Variants in GRID2 observed in about 807,000 individuals in gnomAD.
The protein encoded by GRID2 is glutamate ionotropic receptor delta type subunit 2, also known as glutamate receptor ionotropic, delta-2.
GRID2 carries 33 observed loss-of-function variants against 114.8 expected under a neutral mutation model. The observed-to-expected ratio is 0.29, with a 90% CI of 0.22 to 0.38. The LOEUF is 0.38. GRID2 is among the 10% of genes least tolerant of loss of function. The pLI is 1.00. For missense variants in GRID2, 1,184 were observed against 1,257.7 expected, an observed-to-expected ratio of 0.94 and a Z score of 0.89; for synonymous variants, 505 against 449.9, an observed-to-expected ratio of 1.12 and a Z score of -1.55.
intron 2 of GRID2, among the ~76,000 whole-genome samples, chr4:92,645,318 C>T (rs1389895441): frequency 6.6e-6 from 1 of 151,656 alleles, no homozygotes; most frequent in Admixed American, 6.6e-5. Flanking sequence ...AGTCTGATTG[C>T]ATCACTGCAA....
At chr4:92,609,445 G>T (rs897228210) in intron 2 of GRID2, among the ~76,000 whole-genome samples, 1 of 151,250 alleles carries the variant, frequency 6.6e-6, no homozygotes, top group African/African-American at 2.4e-5. Flanking sequence ...TAAAAAAAAT[G>T]AAGTAGCATA....
intron 4 of GRID2, among the ~76,000 whole-genome samples, chr4:93,116,615 C>T (rs1385665387): frequency 6.6e-6 from 1 of 152,144 alleles, no homozygotes; most frequent in Non-Finnish European, 1.5e-5. Flanking sequence ...CTTTCCTGCT[C>T]TGTTTCTGGT....
intron 8 of GRID2, among the ~76,000 whole-genome samples, chr4:93,247,545 C>G (rs1047080111): frequency 2.6e-5 from 4 of 152,056 alleles, no homozygotes; most frequent in African/African-American, 9.7e-5. Flanking sequence ...CATCAGCCCC[C>G]CAGTTCTCGG....
intron 4 of GRID2, among the ~76,000 whole-genome samples, chr4:93,183,773 A>T (rs1367116364): frequency 6.6e-6 from 1 of 152,206 alleles, no homozygotes; most frequent in Non-Finnish European, 1.5e-5. Context: ...CCATGTTACC[A>T]CTCAGGGAAG....
At chr4:93,693,296 A>G (rs1168888190) in intron 14 of GRID2, among the ~76,000 whole-genome samples, 1 of 152,192 alleles carries the variant, frequency 6.6e-6, no homozygotes, top group African/African-American at 2.4e-5. Flanking sequence ...TGGGTGAAGT[A>G]CAATGAACAT....
chr4:92,398,545 T>A (rs1223297710), intron 1 of GRID2, among the ~76,000 whole-genome samples: 2 of 152,198 alleles, frequency 1.3e-5, no homozygotes, highest in Non-Finnish European at 2.9e-5. Context: ...GTGATCTACC[T>A]GCCTCGGCCT....
chr4:93,718,432 G>A (rs1729089862), intron 14 of GRID2, among the ~76,000 whole-genome samples: 1 of 152,132 alleles, frequency 6.6e-6, no homozygotes, highest in Non-Finnish European at 1.5e-5. Flanking sequence ...AAGTTCCAAT[G>A]ACGTAATGGT....
At chr4:92,540,501 T>G (rs1194599490) in intron 1 of GRID2, among the ~76,000 whole-genome samples, 3 of 152,160 alleles carry the variant, frequency 2.0e-5, no homozygotes, top group African/African-American at 7.2e-5. Flanking sequence ...CAGACACTTC[T>G]CAAAAGAAGA....
chr4:93,048,402 G>A (rs1726368387), intron 2 of GRID2, among the ~76,000 whole-genome samples: 1 of 151,872 alleles, frequency 6.6e-6, no homozygotes, highest in Non-Finnish European at 1.5e-5. Flanking sequence ...TGCCTGGAGA[G>A]TCAGGTACCT....
At chr4:92,350,280 T>A (rs1428477390) in intron 1 of GRID2, among the ~76,000 whole-genome samples, 1 of 151,844 alleles carries the variant, frequency 6.6e-6, no homozygotes, top group Non-Finnish European at 1.5e-5. Flanking sequence ...CTCCAACAAA[T>A]GCCCAAAGGA....
chr4:93,129,635 C>T (rs1734612778), intron 4 of GRID2, among the ~76,000 whole-genome samples: 1 of 152,190 alleles, frequency 6.6e-6, no homozygotes, highest in Non-Finnish European at 1.5e-5. Context: ...CATCTCAACA[C>T]TAAACCTTAC....
chr4:93,359,179 C>G (rs923082), intron 8 of GRID2, among the ~76,000 whole-genome samples: 1 of 152,038 alleles, frequency 6.6e-6, no homozygotes, highest in African/African-American at 2.4e-5. Flanking sequence ...TTCCAACAGG[C>G]TAGATCAGGC....
At chr4:92,942,609 A>G (rs1456360848) in intron 2 of GRID2, among the ~76,000 whole-genome samples, 2 of 152,152 alleles carry the variant, frequency 1.3e-5, no homozygotes, top group Admixed American at 1.3e-4. Flanking sequence ...TGATCCTGTC[A>G]TTATGATGTT....
At chr4:93,042,072 T>C (rs1357895833) in intron 2 of GRID2, among the ~76,000 whole-genome samples, 1 of 151,778 alleles carries the variant, frequency 6.6e-6, no homozygotes, top group Non-Finnish European at 1.5e-5. Context: ...CTGGCTAATT[T>C]TTTTGTATTT....
chr4:92,609,308 A>T (rs374877758), intron 2 of GRID2, among the ~76,000 whole-genome samples: 1 of 151,704 alleles, frequency 6.6e-6, no homozygotes, highest in African/African-American at 2.4e-5. Flanking sequence ...TCGAGTGTCT[A>T]TGTGCCAAGT....
At chr4:93,110,663 T>C in intron 3 of GRID2, 85 bp from the exon 4 acceptor site, 1 of 876,572 alleles carries the variant, frequency 1.1e-6, no homozygotes, top group Non-Finnish European at 1.9e-6. Context: ...GGAACAATAA[T>C]CTATTCTGAT....
intron 12 of GRID2, among the ~76,000 whole-genome samples, chr4:93,493,083 C>A (rs144095100): frequency 7.9e-5 from 12 of 151,932 alleles, no homozygotes; most frequent in African/African-American, 2.9e-4. Context: ...AATAGCAAAA[C>A]AGTTTTTAAT....
chr4:93,497,796 T>C (rs1306591692), intron 12 of GRID2, among the ~76,000 whole-genome samples: 2 of 151,896 alleles, frequency 1.3e-5, no homozygotes, highest in Non-Finnish European at 2.9e-5. Context: ...TTTTTCAGAA[T>C]CATTTTAGCT....
chr4:92,419,191 C>A (rs1356303209), intron 1 of GRID2, among the ~76,000 whole-genome samples: 1 of 152,098 alleles, frequency 6.6e-6, no homozygotes, highest in Non-Finnish European at 1.5e-5. Flanking sequence ...AATCAGTCTA[C>A]CAGTAATAAA....
Sources: gnomAD v4.1 joint callset for allele counts (sites outside exome capture counted in the v4.1 genomes callset) on GRCh38, gnomAD v4.1.1 for gene constraint, MANE v1.5 for transcripts, NCBI Gene and HGNC (gene_info 2026-07-23, HGNC 2026-07-21) for gene names.